ZNF366: variants seen among roughly 807,000 people sequenced by gnomAD.
The protein encoded by ZNF366 is dendritic cell-specific transcript protein.
ZNF366 carries 20 observed loss-of-function variants against 47.2 expected under a neutral mutation model. The ratio of observed to expected loss-of-function variants is 0.42; its 90% CI spans 0.30 to 0.62. The LOEUF is 0.62. ZNF366 is among the 20% of genes least tolerant of loss of function. The pLI, the probability that ZNF366 is intolerant of heterozygous loss-of-function variation, is 0.16. For missense variants in ZNF366, 987 were observed against 976.3 expected (o/e 1.01, Z -0.15); for synonymous variants, 421 against 395.1 (o/e 1.07, Z -0.78).
At chr5:72,485,274 G>A (rs1743870942) in intron 1 of ZNF366, among the ~76,000 whole-genome samples, 1 of 152,288 alleles carries the variant, frequency 6.6e-6, no homozygotes, top group East Asian at 1.9e-4. Flanking sequence ...TTTGCTCCAT[G>A]AGGTCAGGGA....
At chr5:72,444,347 C>T (rs894866320) in intron 4 of ZNF366, 56 bp from the exon 5 acceptor site, 1 of 1,544,572 alleles carries the variant, frequency 6.5e-7, no homozygotes, top group African/African-American at 1.4e-5. Context: ...GAAATGGGAC[C>T]TTGAGGAAGG....
At chr5:72,485,619 C>G (rs1743876074) in intron 1 of ZNF366, among the ~76,000 whole-genome samples, 1 of 152,212 alleles carries the variant, frequency 6.6e-6, no homozygotes, top group South Asian at 2.1e-4. Flanking sequence ...CTCCCTTGGG[C>G]TCCTGTCTGC....
intron 1 of ZNF366, among the ~76,000 whole-genome samples, chr5:72,504,937 C>T (rs538241270): frequency 1.8e-4 from 27 of 152,168 alleles, no homozygotes; most frequent in Non-Finnish European, 3.7e-4. Context: ...AAACAGTAGG[C>T]AACGAAGCTG....
intron 1 of ZNF366, among the ~76,000 whole-genome samples, chr5:72,498,329 C>G (rs144058850): frequency 1.3e-5 from 2 of 152,114 alleles, no homozygotes; most frequent in Non-Finnish European, 2.9e-5. Flanking sequence ...TCATTAATTA[C>G]ATAATTCAAC....
At position 72,443,331 on chromosome 5, in the gene ZNF366, T is replaced by C. The variant is rs1168097784; in HGVS notation, c.*425A>G. 1 of 156,786 alleles carries C rather than the reference T, an allele frequency of 6.4e-6. No homozygotes were observed. The highest frequency in any genetic ancestry group is 1.4e-5 in the Non-Finnish European group (1 of 71,006). The allele number at this position is 156,786 out of a possible 1,614,324, so 9.7% of individuals were successfully genotyped here. A position where few individuals can be genotyped will look rare whatever the true frequency, so the allele number is the denominator to read the frequency against. On this transcript the variant is annotated 3_prime_UTR_variant, in exon 5 of 5. Coordinates refer to ENST00000318442, the MANE Select transcript of ZNF366 (RefSeq NM_152625.3). ...ATATGACGACTAATATTTTCATCTA[T>C]ATGGAAAATATTATAACCTTCACAA...
rs142462438 is a variant in ZNF366, at chr5:72,443,080, T to A, written c.*676A>T. Reference sequence around the variant, plus strand: ...AGCCAGGGCCCCAAACATCATCATATCATCTGAAAAATAATGCTCCAAATG... The same window carrying A: ...AGCCAGGGCCCCAAACATCATCATAACATCTGAAAAATAATGCTCCAAATG... On this transcript the variant is annotated 3_prime_UTR_variant, in exon 5 of 5. Transcript: ENST00000318442. The A allele has an allele frequency of 6.6e-6, 1 of 152,350 alleles. No homozygotes were observed. Among genetic ancestry groups the A allele is most frequent in the African/African-American group, 2.4e-5 (1 of 41,550 alleles). The allele number at this position is 152,350 out of a possible 1,614,324, so 9.4% of individuals were successfully genotyped here.
chr5:72,491,726 G>C (rs1235387856), intron 1 of ZNF366, among the ~76,000 whole-genome samples: 1 of 152,224 alleles, frequency 6.6e-6, no homozygotes, highest in Admixed American at 6.5e-5. Context: ...GTATTCTCAT[G>C]GTTCTACAGA....
intron 1 of ZNF366, chr5:72,472,726 G>GCCCTCTCAGCA: frequency 3.1e-6 from 1 of 319,070 alleles, no homozygotes; most frequent in Non-Finnish European, 4.5e-6. Flanking sequence ...CTTCCCCAGT[G>GCCCTCTCAGCA]CTGAGAGGGC....
chr5:72,453,813 G>A (rs1561191262), intron 3 of ZNF366, among the ~76,000 whole-genome samples: 1 of 152,214 alleles, frequency 6.6e-6, no homozygotes, highest in Non-Finnish European at 1.5e-5. Flanking sequence ...GTGAGTCAAG[G>A]TGGCTGACAC....
Position 72,439,910 on chromosome 5 carries a change from A to G in ZNF366, c.*3846T>C, listed in dbSNP as rs1442347655. On this transcript the variant is annotated 3_prime_UTR_variant, in exon 5 of 5. Coordinates refer to ENST00000318442, the MANE Select transcript of ZNF366 (RefSeq NM_152625.3). ...GCAAATAATTAACTCAGCTTTTTCA[A>G]CATGTCTTTATTTGCTTAAATTAAC... 1 of 152,202 alleles carries G rather than the reference A, an allele frequency of 6.6e-6. No individual in the cohort carries two copies. The highest frequency in any genetic ancestry group is 1.5e-5 in the Non-Finnish European group (1 of 68,042). 9.4% of individuals were successfully genotyped at this position (152,202 alleles called of 1,614,324 possible).
chr5:72,473,058 G>C (rs558290307), intron 1 of ZNF366, among the ~76,000 whole-genome samples: 1 of 152,278 alleles, frequency 6.6e-6, no homozygotes, highest in African/African-American at 2.4e-5. Flanking sequence ...ACCTTTCTGC[G>C]TTGTCACTAT....
intron 1 of ZNF366, among the ~76,000 whole-genome samples, chr5:72,499,038 AT>A (rs774437866): frequency 9.3e-4 from 141 of 152,350 alleles, no homozygotes; most frequent in Non-Finnish European, 4.4e-4. Flanking sequence ...GTCTGAACAT[AT>A]GGAGGATGTG....
chr5:72,453,784 G>T (rs533284889), intron 3 of ZNF366, among the ~76,000 whole-genome samples: 3 of 152,238 alleles, frequency 2.0e-5, no homozygotes, highest in Admixed American at 1.3e-4. Flanking sequence ...TTTGAGCACT[G>T]TCTCAGAGAC....
chr5:72,504,943 A>T (rs983063225), intron 1 of ZNF366, among the ~76,000 whole-genome samples: 8 of 152,244 alleles, frequency 5.3e-5, no homozygotes, highest in African/African-American at 1.7e-4. Context: ...TAGGCAACGA[A>T]GCTGAAATTC....
chr5:72,483,756 G>T (rs1208236305), intron 1 of ZNF366, among the ~76,000 whole-genome samples: 1 of 152,134 alleles, frequency 6.6e-6, no homozygotes. Context: ...AAAACTGCCA[G>T]AGATATTTAA....
At chr5:72,458,282 C>T (rs1443019047) in intron 2 of ZNF366, among the ~76,000 whole-genome samples, 2 of 152,178 alleles carry the variant, frequency 1.3e-5, no homozygotes, top group African/African-American at 2.4e-5. Context: ...TCCCAAAGTG[C>T]TGGGATTACA....
chr5:72,478,227 G>C (rs552114771), intron 1 of ZNF366, among the ~76,000 whole-genome samples: 4 of 146,920 alleles, frequency 2.7e-5, no homozygotes, highest in South Asian at 4.5e-4. Context: ...GCCTTGTGTG[G>C]GGGCCCTTCA....
At chr5:72,462,547 CTT>C (rs71614477) in intron 1 of ZNF366, among the ~76,000 whole-genome samples, 2 of 78,904 alleles carry the variant, frequency 2.5e-5, no homozygotes, top group African/African-American at 1.2e-4. Flanking sequence ...TTCTTTCTTT[CTT>C]TTTTTTTTTT....
intron 1 of ZNF366, among the ~76,000 whole-genome samples, chr5:72,495,862 G>A (rs1384694035): frequency 1.3e-5 from 2 of 152,066 alleles, no homozygotes; most frequent in African/African-American, 2.4e-5. Context: ...AGGAAATACA[G>A]TTAAATGTTT....
Sources: allele counts gnomAD v4.1 joint callset (sites outside exome capture counted in the v4.1 genomes callset), GRCh38; gene constraint gnomAD v4.1.1; transcripts MANE v1.5; gene names NCBI Gene and HGNC (gene_info 2026-07-23, HGNC 2026-07-21).